Variants in ADARB2 observed in about 807,000 individuals in gnomAD.
ADARB2 encodes the protein adenosine deaminase RNA specific B2 (inactive), also known as inactive double-stranded RNA-specific editase B2.
ADARB2 carries 25 observed loss-of-function variants against 62.2 expected under a neutral mutation model. That is an observed-to-expected ratio of 0.40 (90% CI 0.29 to 0.56). The LOEUF is 0.56. Among genes scored for constraint, ADARB2 ranks in the 20% least tolerant of loss-of-function variants. ADARB2 has a pLI of 0.43. For synonymous variants in ADARB2, 572 were observed against 500.8 expected (o/e 1.14, Z -1.90); for missense variants, 1,071 against 1,077.4 (o/e 0.99, Z 0.08).
intron 1 of ADARB2, among the ~76,000 whole-genome samples, chr10:1,692,407 G>A (rs184654331): frequency 4.1e-4 from 63 of 152,316 alleles, no homozygotes; most frequent in Non-Finnish European, 7.4e-4. Flanking sequence ...AGTCCATGGA[G>A]TCATCTGTTC....
intron 3 of ADARB2, among the ~76,000 whole-genome samples, chr10:1,285,400 C>T (rs1045820621): frequency 6.6e-6 from 1 of 152,086 alleles, no homozygotes; most frequent in Admixed American, 6.6e-5. Context: ...TTGGTGATGC[C>T]CTGAGGCTTT....
chr10:1,434,104 T>C (rs1830806877), intron 1 of ADARB2, among the ~76,000 whole-genome samples: 1 of 152,106 alleles, frequency 6.6e-6, no homozygotes, highest in Admixed American at 6.5e-5. Context: ...AGGGTTTGAG[T>C]TTCAGGTGAA....
At position 1,656,554 on chromosome 10, in the gene ADARB2, C is replaced by G. The variant is rs561916488; in HGVS notation, c.100+80497G>C. The stretch of plus-strand genomic sequence containing the variant: ...AGGGAGAGAGAGAGAGAGAGAGCTG[C>G]TAATAATATACAACTCTATTCCTCT... On this transcript the variant is annotated intron_variant, in intron 1 of 9. Coordinates refer to ENST00000381312, the MANE Select transcript of ADARB2 (RefSeq NM_018702.4). 4.7e-5 allele frequency among the ~76,000 whole-genome samples: 7 copies of G among 150,418 alleles called. No homozygotes were observed. The South Asian group carries it at 1.5e-3, about 32-fold the overall frequency.
intron 1 of ADARB2, among the ~76,000 whole-genome samples, chr10:1,667,083 A>G (rs1834325706): frequency 1.3e-5 from 2 of 152,270 alleles, no homozygotes. Context: ...ACTTACAGTA[A>G]GTACATTTGT....
chr10:1,300,179 A>T (rs949278922), intron 3 of ADARB2, among the ~76,000 whole-genome samples: 2 of 152,216 alleles, frequency 1.3e-5, no homozygotes, highest in Admixed American at 1.3e-4. Flanking sequence ...CCTCTTAAGT[A>T]GTCTCTCTGC....
At chr10:1,262,147 TG>T (rs1831144753) in intron 4 of ADARB2, among the ~76,000 whole-genome samples, 1 of 47,810 alleles carries the variant, frequency 2.1e-5, no homozygotes, top group Non-Finnish European at 3.5e-5. Flanking sequence ...TGTGGTGGGG[TG>T]GGGGGAGGGG....
intron 3 of ADARB2, among the ~76,000 whole-genome samples, chr10:1,358,889 CT>C (rs71495942): frequency 2.6e-5 from 4 of 152,104 alleles, no homozygotes; most frequent in African/African-American, 9.7e-5. Flanking sequence ...ACACAGGTGA[CT>C]TTTACTGATT....
intron 1 of ADARB2, among the ~76,000 whole-genome samples, chr10:1,610,096 A>G (rs1002916847): frequency 1.4e-4 from 21 of 151,366 alleles, no homozygotes; most frequent in African/African-American, 4.6e-4. Flanking sequence ...AGATTGTTTT[A>G]TTATGAGAGG....
chr10:1,316,250 C>T (rs571039144), intron 3 of ADARB2, among the ~76,000 whole-genome samples: 5 of 152,372 alleles, frequency 3.3e-5, no homozygotes, highest in African/African-American at 1.2e-4. Flanking sequence ...TGACAGGCGG[C>T]GTCACACAGC....
chr10:1,574,703 T>A (rs942820847), intron 1 of ADARB2, among the ~76,000 whole-genome samples: 4 of 152,058 alleles, frequency 2.6e-5, no homozygotes, highest in Admixed American at 2.0e-4. Context: ...TGGAGTAGGG[T>A]CCACCCTAAA....
At chr10:1,648,532 G>A (rs1435539606) in intron 1 of ADARB2, among the ~76,000 whole-genome samples, 2 of 152,164 alleles carry the variant, frequency 1.3e-5, no homozygotes, top group Non-Finnish European at 2.9e-5. Flanking sequence ...AATCGTCCCT[G>A]CCTACGCTCG....
At chr10:1,374,358 C>T (rs1832403161) in intron 2 of ADARB2, among the ~76,000 whole-genome samples, 5 of 152,198 alleles carry the variant, frequency 3.3e-5, no homozygotes, top group Admixed American at 3.3e-4. Flanking sequence ...CCACGGGCAC[C>T]CTCCAGAGCC....
intron 6 of ADARB2, among the ~76,000 whole-genome samples, chr10:1,219,143 C>T (rs1830659555): frequency 6.6e-6 from 1 of 152,056 alleles, no homozygotes; most frequent in African/African-American, 2.4e-5. Context: ...TGTGAGCTTC[C>T]TGAGGCCTCC....
intron 1 of ADARB2, among the ~76,000 whole-genome samples, chr10:1,485,560 A>G (rs553180801): frequency 6.6e-6 from 1 of 152,288 alleles, no homozygotes; most frequent in Admixed American, 6.5e-5. Flanking sequence ...GTGGGGGCAG[A>G]AGAGTCCACC....
chr10:1,478,369 T>A (rs1448334935), intron 1 of ADARB2, among the ~76,000 whole-genome samples: 1 of 152,116 alleles, frequency 6.6e-6, no homozygotes, highest in Non-Finnish European at 1.5e-5. Flanking sequence ...AGTAGAGTCA[T>A]GAGAATGCCT....
chr10:1,338,308 G>A (rs1831992632), intron 3 of ADARB2, among the ~76,000 whole-genome samples: 1 of 152,176 alleles, frequency 6.6e-6, no homozygotes. Context: ...ACTGTCTTGG[G>A]CCGCACAGTT....
At chr10:1,339,715 C>G (rs144726982) in intron 3 of ADARB2, among the ~76,000 whole-genome samples, 2 of 152,328 alleles carry the variant, frequency 1.3e-5, no homozygotes, top group Non-Finnish European at 2.9e-5. Flanking sequence ...TGGGGCTGCT[C>G]TGGCCCCTGC....
chr10:1,188,796 A>T lies in ADARB2; in HGVS notation c.1865-3757T>A, dbSNP rs1255480566. Among the ~76,000 whole-genome samples the T allele has an allele frequency of 3.3e-4, 50 of 152,144 alleles. 1 individual carries two copies. Among genetic ancestry groups the T allele is most frequent in the Admixed American group, 3.3e-3 (50 of 15,238 alleles). On this transcript the variant is annotated intron_variant, in intron 8 of 9. Coordinates refer to ENST00000381312, the MANE Select transcript of ADARB2 (RefSeq NM_018702.4). ...TGTGCAGAGAAACGGATGCTCATGGATGCTCATGTCAGTCTCACTATTAGG... is the reference window on the plus strand; with the variant it reads ...TGTGCAGAGAAACGGATGCTCATGGTTGCTCATGTCAGTCTCACTATTAGG...
At chr10:1,580,652 G>A (rs2132000181) in intron 1 of ADARB2, among the ~76,000 whole-genome samples, 2 of 152,302 alleles carry the variant, frequency 1.3e-5, no homozygotes, top group Middle Eastern at 6.8e-3. Flanking sequence ...TACGCTTGGT[G>A]TTGAACCTTC....
Sources: allele counts gnomAD v4.1 joint callset (sites outside exome capture counted in the v4.1 genomes callset), GRCh38; gene constraint gnomAD v4.1.1; transcripts MANE v1.5; gene names NCBI Gene and HGNC (gene_info 2026-07-23, HGNC 2026-07-21).